ZSCAN21: variants seen among roughly 807,000 people sequenced by gnomAD.
ZSCAN21 encodes zinc finger and SCAN domain containing 21.
ZSCAN21 carries 26 observed loss-of-function variants against 35.6 expected under a neutral mutation model. The observed-to-expected ratio is 0.73, with a 90% CI of 0.54 to 1.01. The LOEUF is 1.01. ZSCAN21 is among the 50% of genes least tolerant of loss of function. ZSCAN21 has a pLI of 0.00. For synonymous variants in ZSCAN21, 219 were observed against 219.3 expected, an observed-to-expected ratio of 1.00 and a Z score of 0.01; for missense variants, 593 against 587.1, an observed-to-expected ratio of 1.01 and a Z score of -0.10.
At position 100,063,887 on chromosome 7, in the gene ZSCAN21, A is replaced by G. The variant is rs148723325; in HGVS notation, c.692A>G (p.Asn231Ser). 17 of 1,614,084 alleles carry G rather than the reference A, an allele frequency of 1.1e-5. No homozygotes were observed. Among genetic ancestry groups the G allele is most frequent in the South Asian group, 7.7e-5 (7 of 91,090 alleles). The change falls in exon 4 of 4, where the codon AAT becomes AGT. Residue 231 changes from asparagine (N) to serine (S), a missense_variant. By Grantham distance (46) the Asn-to-Ser change is conservative. Transcript: ENST00000292450. ...GATATAATTTCTGTGATTATCGCCA[A>G]TAAACCTGAGGCCAGCTTAGAGAGG... The part of the protein sequence containing the change: ...KGDIISVIIA[N>S]KPEASLERQC...
rs141067949 is a variant in ZSCAN21 at position 100,063,805 on chromosome 7, C to T, written c.610C>T (p.Gln204Ter). The T allele has an allele frequency of 1.0e-4, 168 of 1,609,890 alleles. No homozygotes were observed. The highest frequency in any genetic ancestry group is 1.4e-4 in the Non-Finnish European group (164 of 1,178,484). Residue 204 changes from glutamine (Q) to a stop codon, truncating the protein, a stop_gained, in exon 4 of 4, where the codon CAG becomes TAG. Transcript: ENST00000292450. LOFTEE classifies it high-confidence loss of function. Reference protein sequence around the residue: ...RKVRDCRLSTQHEESADEQKG... With the variant: ...RKVRDCRLST ...TGTTTCAGATTGCAGATTGAGTACC[C>T]AGCACGAGGAATCAGCAGATGAGCA...
At chr7:100,062,783 G>A (rs977965710) in intron 3 of ZSCAN21, among the ~76,000 whole-genome samples, 2 of 151,960 alleles carry the variant, frequency 1.3e-5, no homozygotes, top group African/African-American at 2.4e-5. Context: ...GCTGAGTCAG[G>A]AGAATCACTT....
intron 1 of ZSCAN21, among the ~76,000 whole-genome samples, chr7:100,050,709 G>A (rs911579587): frequency 6.6e-6 from 1 of 151,808 alleles, no homozygotes; most frequent in African/African-American, 2.4e-5. Context: ...CAAAAAAAAA[G>A]AACGTTGATT....
In ZSCAN21 at chr7:100,051,178, C is replaced by CAAAAAAAAAAAAAAAAAAAAAA. The variant is rs369246193; in HGVS notation, c.-97+1341_-97+1362dup. Among the ~76,000 whole-genome samples, 92 of 41,348 alleles carry CAAAAAAAAAAAAAAAAAAAAAA rather than the reference C, an allele frequency of 2.2e-3. 2 individuals carry two copies. The highest frequency in any genetic ancestry group is 4.6e-3 in the South Asian group (5 of 1,094). The allele number at this position is 41,348 out of a possible 152,430, so 27.1% of individuals were successfully genotyped here. On this transcript the variant is annotated intron_variant, in intron 1 of 3. Coordinates refer to ENST00000292450, the MANE Select transcript of ZSCAN21 (RefSeq NM_145914.3). ...GGGAAACAAGAGTGAAACTACGTCTCAAAAAAAAAAAAAAAAAAAAAAAAA... is the reference window on the plus strand; with the variant it reads ...GGGAAACAAGAGTGAAACTACGTCTCAAAAAAAAAAAAAAAAAAAAAAAAAAAAAAAAAAAAAAAAAAAAAAA...
At position 100,064,869 on chromosome 7, in the gene ZSCAN21, T is replaced by C. The variant is rs1792561409; in HGVS notation, c.*252T>C. The C allele has an allele frequency of 6.2e-7, 1 of 1,609,894 alleles. No individual in the cohort carries two copies. The highest frequency in any genetic ancestry group is 1.1e-5 in the South Asian group (1 of 90,798). On this transcript the variant is annotated 3_prime_UTR_variant, in exon 4 of 4. Coordinates refer to ENST00000292450, the MANE Select transcript of ZSCAN21 (RefSeq NM_145914.3). ...CCACACTTAGGGTCCCAGTAAGCCA[T>C]GCCAGCATTACCTTTTGCGTAGTTA... is the stretch of plus-strand genomic sequence containing the variant.
chr7:100,056,827 C>T, intron 1 of ZSCAN21, 84 bp from the exon 2 acceptor site: 1 of 607,540 alleles, frequency 1.6e-6, no homozygotes, highest in East Asian at 2.8e-5. Context: ...ATAATTTCCA[C>T]AATTTCTTGT....
Position 100,064,459 on chromosome 7 carries a change from G to A in ZSCAN21, c.1264G>A (p.Gly422Arg). 6.2e-7 allele frequency: 1 copy of A among 1,614,034 alleles called. No individual in the cohort carries two copies. Among genetic ancestry groups the A allele is most frequent in the Non-Finnish European group, 8.5e-7 (1 of 1,180,006 alleles). ...GAAGCCATATAAGTGTAAGGAGTGT[G>A]GGAAAGCCTTCAACCACAGCTCCAA... The part of the protein sequence containing the change: ...GEKPYKCKEC[G>R]KAFNHSSNFN... The change falls in exon 4 of 4, where the codon GGG becomes AGG. Residue 422 changes from glycine (G) to arginine (R), a missense_variant. Transcript: ENST00000292450.
intron 3 of ZSCAN21, among the ~76,000 whole-genome samples, chr7:100,059,099 T>C (rs960849794): frequency 2.0e-5 from 3 of 152,180 alleles, no homozygotes; most frequent in Non-Finnish European, 4.4e-5. Context: ...AGACCACTAT[T>C]TATGTGTGTG....
At chr7:100,056,853 G>A in intron 1 of ZSCAN21, 58 bp from the exon 2 acceptor site, 1 of 775,054 alleles carries the variant, frequency 1.3e-6, no homozygotes, top group Non-Finnish European at 2.0e-6. Context: ...AGGTATGGCT[G>A]TAAAGACCCA....
Position 100,062,281 on chromosome 7 carries a change from C to CTT in ZSCAN21, c.593-1485_593-1484dup, listed in dbSNP as rs921079005. ...TTAATCTGCGTGAGGCTCAACTGTT[C>CTT]TTTTTTTTTTTTTTTTTTTTTTTAA... On this transcript the variant is annotated intron_variant, in intron 3 of 3. Coordinates refer to ENST00000292450, the MANE Select transcript of ZSCAN21 (RefSeq NM_145914.3). Among the ~76,000 whole-genome samples the CTT allele has an allele frequency of 4.1e-3, 394 of 96,614 alleles. 5 individuals are homozygous for CTT. The highest frequency in any genetic ancestry group is 0.013 in the African/African-American group (340 of 26,218). The allele number at this position is 96,614 out of a possible 152,430, so 63.4% of individuals were successfully genotyped here. A position where few individuals can be genotyped will look rare whatever the true frequency, so the allele number is the denominator to read the frequency against.
chr7:100,056,785 A>C (rs1420424279), intron 1 of ZSCAN21, 126 bp from the exon 2 acceptor site: 2 of 467,522 alleles, frequency 4.3e-6, no homozygotes, highest in Non-Finnish European at 7.5e-6. Context: ...GATTTTGAGC[A>C]GTTGTTTTTG....
chr7:100,059,152 C>T (rs561312356), intron 3 of ZSCAN21, among the ~76,000 whole-genome samples: 2 of 152,318 alleles, frequency 1.3e-5, no homozygotes, highest in South Asian at 4.1e-4. Flanking sequence ...AGAAATCTCC[C>T]TCCATGCTTG....
At chr7:100,060,878 A>T (rs1562848259) in intron 3 of ZSCAN21, among the ~76,000 whole-genome samples, 1 of 150,678 alleles carries the variant, frequency 6.6e-6, no homozygotes, top group Non-Finnish European at 1.5e-5. Flanking sequence ...AAAAAAAAAA[A>T]CATTTCTACT....
chr7:100,051,656 G>A (rs1434829223), intron 1 of ZSCAN21: 1 of 151,464 alleles, frequency 6.6e-6, no homozygotes, highest in Non-Finnish European at 1.5e-5. Context: ...GGTAAGTGCT[G>A]TTCTACTTTT....
At chr7:100,052,429 T>TA (rs1042364359) in intron 1 of ZSCAN21, among the ~76,000 whole-genome samples, 417 of 151,418 alleles carry the variant, frequency 2.8e-3, no homozygotes, top group African/African-American at 9.6e-3. Flanking sequence ...ACACTGTCTC[T>TA]AAAAAATAAA....
At chr7:100,060,858 C>CAAAAA (rs372983638) in intron 3 of ZSCAN21, among the ~76,000 whole-genome samples, 5 of 74,430 alleles carry the variant, frequency 6.7e-5, no homozygotes, top group African/African-American at 1.7e-4. Flanking sequence ...AGGACTCCGT[C>CAAAAA]AAAAAAAAAA....
At chr7:100,052,482 A>T (rs1328012801) in intron 1 of ZSCAN21, among the ~76,000 whole-genome samples, 10 of 151,928 alleles carry the variant, frequency 6.6e-5, no homozygotes, top group African/African-American at 1.7e-4. Context: ...ATTCGGGATG[A>T]CCCCAGGTTT....
intron 3 of ZSCAN21, among the ~76,000 whole-genome samples, chr7:100,062,006 G>A (rs1281534541): frequency 6.6e-6 from 1 of 152,220 alleles, no homozygotes; most frequent in East Asian, 1.9e-4. Flanking sequence ...CTTTATAACT[G>A]AATTACAAGA....
chr7:100,064,602 G>T lies in ZSCAN21; in HGVS notation c.1407G>T (p.Glu469Asp), dbSNP rs1202646586. ...AACATCAGCGAGTCCACACTGGAGA[G>T]GGAGAAGCACCGTAACTTTCAAGCG... ...LSKHQRVHTG[E>D]GEAP is the part of the protein sequence containing the mutation. Residue 469 changes from glutamate to aspartate, a missense_variant, in exon 4 of 4, where the codon GAG becomes GAT. Physicochemically the swap from Glu to Asp is conservative, Grantham distance 45. Coordinates refer to ENST00000292450, the MANE Select transcript of ZSCAN21 (RefSeq NM_145914.3). 1 of 1,613,540 alleles carries T rather than the reference G, an allele frequency of 6.2e-7. No homozygotes were observed. The highest frequency in any genetic ancestry group is 1.7e-5 in the Admixed American group (1 of 59,884).
Sources: allele counts gnomAD v4.1 joint callset (sites outside exome capture counted in the v4.1 genomes callset), GRCh38; gene constraint gnomAD v4.1.1; transcripts MANE v1.5; gene names NCBI Gene and HGNC (gene_info 2026-07-23, HGNC 2026-07-21).